Variants in SHANK2 observed in about 807,000 individuals in gnomAD.
SHANK2 encodes the protein SH3 and multiple ankyrin repeat domains 2.
SHANK2 carries 43 observed loss-of-function variants against 133.7 expected under a neutral mutation model. The observed-to-expected ratio is 0.32, with a 90% CI of 0.25 to 0.41. The LOEUF is 0.41. Among genes scored for constraint, SHANK2 ranks in the 10% least tolerant of loss-of-function variants. SHANK2 has a pLI of 1.00. For missense variants in SHANK2, 1,994 were observed against 2,235.8 expected (o/e 0.89, Z 2.18); for synonymous variants, 1,017 against 952.8 (o/e 1.07, Z -1.24).
intron 10 of SHANK2, among the ~76,000 whole-genome samples, chr11:70,930,966 C>T (rs191283073): frequency 3.9e-4 from 59 of 152,144 alleles, no homozygotes; most frequent in Non-Finnish European, 8.2e-4. Flanking sequence ...CATGCCCACC[C>T]ACAAATGCAT....
intron 8 of SHANK2, among the ~76,000 whole-genome samples, chr11:71,082,939 G>A (rs1193042650): frequency 1.1e-4 from 15 of 142,432 alleles, no homozygotes; most frequent in Admixed American, 3.6e-4. Flanking sequence ...GTTTCTTAAC[G>A]CCCGCCCCCC....
intron 13 of SHANK2, 129 bp downstream of exon 13, chr11:70,806,873 C>T: frequency 1.7e-6 from 1 of 604,210 alleles, no homozygotes; most frequent in Non-Finnish European, 3.0e-6. Flanking sequence ...GTTCCCCATT[C>T]CTGCCCTTCC....
intron 14 of SHANK2, among the ~76,000 whole-genome samples, chr11:70,770,701 C>G (rs1326566458): frequency 6.6e-6 from 1 of 152,154 alleles, no homozygotes. Flanking sequence ...GAAAGTGACA[C>G]CCATTTCGGT....
At chr11:70,650,661 C>T (rs1555009891) in intron 17 of SHANK2, among the ~76,000 whole-genome samples, 2 of 152,204 alleles carry the variant, frequency 1.3e-5, no homozygotes, top group African/African-American at 4.8e-5. Flanking sequence ...CCAAATCCAC[C>T]TTGAACATTC....
intron 9 of SHANK2, among the ~76,000 whole-genome samples, chr11:71,073,147 CTTTT>C (rs1156355131): frequency 4.0e-4 from 25 of 62,754 alleles, no homozygotes; most frequent in East Asian, 1.8e-3. Flanking sequence ...TTTTTCTTTT[CTTTT>C]TTTTCTTTTT....
At chr11:70,663,066 G>A (rs111757536) in intron 15 of SHANK2, among the ~76,000 whole-genome samples, 3,662 of 152,232 alleles carry the variant, frequency 0.024, 73 homozygotes, top group Non-Finnish European at 0.03. Flanking sequence ...TGTGAGCCTC[G>A]GGGGTGAGGA....
chr11:71,194,127 A>G (rs1182664623), intron 2 of SHANK2, among the ~76,000 whole-genome samples: 1 of 151,988 alleles, frequency 6.6e-6, no homozygotes, highest in Non-Finnish European at 1.5e-5. Context: ...CACCAAACAC[A>G]TCACCACCCA....
At chr11:71,104,553 G>A (rs1951774016) in intron 6 of SHANK2, among the ~76,000 whole-genome samples, 2 of 152,232 alleles carry the variant, frequency 1.3e-5, no homozygotes, top group Non-Finnish European at 2.9e-5. Flanking sequence ...CTTGCGTTTA[G>A]CTTGTCCCCA....
chr11:70,606,950 C>T (rs935853386), intron 17 of SHANK2, among the ~76,000 whole-genome samples: 6 of 152,174 alleles, frequency 3.9e-5, no homozygotes, highest in Non-Finnish European at 5.9e-5. Context: ...GACCTGAGTT[C>T]CCAGTCATGT....
intron 17 of SHANK2, among the ~76,000 whole-genome samples, chr11:70,613,067 A>G (rs1168030715): frequency 1.3e-5 from 2 of 152,152 alleles, no homozygotes; most frequent in Admixed American, 1.3e-4. Context: ...CTCCTGGCCC[A>G]CGTGGGAGAA....
Position 70,479,342 on chromosome 11 carries a change from A to T in SHANK2, c.4980-5903T>A, listed in dbSNP as rs2058703012. The stretch of plus-strand genomic sequence containing the variant: ...AACAACCCAAAGTTATTTGAAAATC[A>T]AGAGGCTGTCAGGATAATACTGCAG... On this transcript the variant is annotated intron_variant, in intron 25 of 25. Coordinates refer to ENST00000601538, the MANE Select transcript of SHANK2 (RefSeq NM_012309.5). This position sits in a 1 kb window ranked among gnomAD's most constrained non-coding sequence, Gnocchi z 4.4. Among the ~76,000 whole-genome samples, 1 of 152,216 alleles carries T rather than the reference A, an allele frequency of 6.6e-6. No homozygotes were observed. Among genetic ancestry groups the T allele is most frequent in the Non-Finnish European group, 1.5e-5 (1 of 68,026 alleles).
intron 10 of SHANK2, among the ~76,000 whole-genome samples, chr11:70,948,071 C>T (rs912787821): frequency 1.3e-5 from 2 of 152,076 alleles, no homozygotes; most frequent in Non-Finnish European, 2.9e-5. Flanking sequence ...GTCAGCCCCA[C>T]TCTTTGAGAT....
intron 2 of SHANK2, among the ~76,000 whole-genome samples, chr11:71,153,020 ACT>A (rs1555108388): frequency 6.6e-6 from 1 of 151,528 alleles, no homozygotes; most frequent in Non-Finnish European, 1.5e-5. Flanking sequence ...ATACTAAAAA[ACT>A]CTCTGCTGTT....
At chr11:70,674,108 TTC>T (rs1555016672) in intron 15 of SHANK2, among the ~76,000 whole-genome samples, 1 of 152,150 alleles carries the variant, frequency 6.6e-6, no homozygotes, top group Non-Finnish European at 1.5e-5. Context: ...CACTTTCCTC[TTC>T]TCTCTCTTTC....
chr11:70,698,504 C>G (rs1243866973), intron 15 of SHANK2, among the ~76,000 whole-genome samples, 184 bp downstream of exon 15: 1 of 152,336 alleles, frequency 6.6e-6, no homozygotes, highest in Non-Finnish European at 1.5e-5. Flanking sequence ...AAAGGTGGCA[C>G]CAAGTACACC....
At chr11:71,159,404 G>A (rs1952965778) in intron 2 of SHANK2, among the ~76,000 whole-genome samples, 1 of 152,042 alleles carries the variant, frequency 6.6e-6, no homozygotes, top group East Asian at 1.9e-4. Context: ...GGCCCACCTG[G>A]ATAACCCAAG....
At chr11:70,802,494 G>A (rs1318376820) in intron 13 of SHANK2, among the ~76,000 whole-genome samples, 1 of 152,202 alleles carries the variant, frequency 6.6e-6, no homozygotes, top group African/African-American at 2.4e-5. Flanking sequence ...GGAGGAGGGA[G>A]GAACCGAGAC....
Position 70,849,791 on chromosome 11 carries a change from T to C in SHANK2, c.1175-29109A>G, listed in dbSNP as rs1479923321. Among the ~76,000 whole-genome samples the C allele has an allele frequency of 2.0e-5, 3 of 152,224 alleles. No individual in the cohort carries two copies. In the South Asian group the frequency reaches 6.2e-4, roughly 32 times the overall value. ...CTCCTGGATGGTGATCTGGGGTCCA[T>C]GATCTCCCTACGTTATCTCTTTTTT... is the stretch of plus-strand genomic sequence containing the variant. On this transcript the variant is annotated intron_variant, in intron 11 of 25. Coordinates refer to ENST00000601538, the MANE Select transcript of SHANK2 (RefSeq NM_012309.5).
At position 70,468,173 on chromosome 11, in the gene SHANK2, T is replaced by C. The variant is rs2058556953; in HGVS notation, c.*4696A>G. 4 of 152,400 alleles carry C rather than the reference T, an allele frequency of 2.6e-5. No homozygotes were observed. Among genetic ancestry groups the C allele is most frequent in the Admixed American group, 2.0e-4 (3 of 15,288 alleles). 9.4% of individuals were successfully genotyped at this position (152,400 alleles called of 1,614,324 possible). ...ATTTTTTTTCCTTTTTTTTTTTCTT[T>C]TCTGTGTTTATTTGAAGGCTCGTAT... On this transcript the variant is annotated 3_prime_UTR_variant, in exon 26 of 26. Coordinates refer to ENST00000601538, the MANE Select transcript of SHANK2 (RefSeq NM_012309.5).
Sources: allele counts gnomAD v4.1 joint callset (sites outside exome capture counted in the v4.1 genomes callset), GRCh38; gene constraint gnomAD v4.1.1; non-coding constraint Gnocchi (gnomAD v3.1); transcripts MANE v1.5; gene names NCBI Gene and HGNC (gene_info 2026-07-23, HGNC 2026-07-21).